LMNB1: variants seen among roughly 807,000 people sequenced by gnomAD.
LMNB1 encodes lamin-B1.
LMNB1 carries 23 observed loss-of-function variants against 67.1 expected under a neutral mutation model. That is an observed-to-expected ratio of 0.34 (90% CI 0.25 to 0.49). LMNB1 has a LOEUF of 0.49. Ranked by LOEUF, LMNB1 falls within the 20% of genes least tolerant of loss-of-function variation. The pLI, the probability that LMNB1 is intolerant of heterozygous loss-of-function variation, is 0.99. For synonymous variants in LMNB1, 281 were observed against 282.9 expected (o/e 0.99, Z 0.07); for missense variants, 634 against 746.5 (o/e 0.85, Z 1.76).
At chr5:126,783,601 A>G (rs1750686985) in intron 1 of LMNB1, among the ~76,000 whole-genome samples, 2 of 152,210 alleles carry the variant, frequency 1.3e-5, no homozygotes, top group South Asian at 4.1e-4. Flanking sequence ...TGATAAAGCA[A>G]GATCTTTTGG....
At chr5:126,790,073 A>G (rs1484690667) in intron 1 of LMNB1, among the ~76,000 whole-genome samples, 1 of 151,270 alleles carries the variant, frequency 6.6e-6, no homozygotes, top group African/African-American at 2.4e-5. Context: ...CAAAGTGCTG[A>G]GATTACAGAC....
chr5:126,808,591 A>G (rs193172633), intron 3 of LMNB1, among the ~76,000 whole-genome samples: 2 of 152,186 alleles, frequency 1.3e-5, no homozygotes, highest in Admixed American at 6.6e-5. Context: ...ACGAAAGAGG[A>G]AGGAGGAGGT....
intron 6 of LMNB1, 71 bp from the exon 7 acceptor site, chr5:126,820,839 G>C: frequency 9.5e-7 from 1 of 1,050,132 alleles, no homozygotes; most frequent in Non-Finnish European, 1.4e-6. Flanking sequence ...TTGTTTTTTT[G>C]TTTTTTTTTT....
intron 5 of LMNB1, among the ~76,000 whole-genome samples, chr5:126,818,231 GT>G (rs1751760924): frequency 7.0e-6 from 1 of 142,244 alleles, no homozygotes; most frequent in East Asian, 2.0e-4. Context: ...GTCAGTCAGT[GT>G]TTATATCTTT....
intron 8 of LMNB1, among the ~76,000 whole-genome samples, chr5:126,824,726 T>C (rs1326929462): frequency 6.6e-6 from 1 of 152,220 alleles, no homozygotes; most frequent in Admixed American, 6.5e-5. Flanking sequence ...TAATATCTTG[T>C]GCCCTTTTCC....
intron 1 of LMNB1, among the ~76,000 whole-genome samples, chr5:126,793,455 T>C (rs1178224340): frequency 6.6e-6 from 1 of 152,220 alleles, no homozygotes; most frequent in Non-Finnish European, 1.5e-5. Context: ...CTTTGACAGA[T>C]TAGTTTATTC....
intron 9 of LMNB1, among the ~76,000 whole-genome samples, chr5:126,827,658 T>G (rs1472611049): frequency 6.6e-6 from 1 of 152,002 alleles, no homozygotes; most frequent in Non-Finnish European, 1.5e-5. Flanking sequence ...AATAAATAAA[T>G]AAAGTTACAG....
chr5:126,780,545 G>C (rs1561731953), intron 1 of LMNB1, among the ~76,000 whole-genome samples: 1 of 152,226 alleles, frequency 6.6e-6, no homozygotes, highest in Non-Finnish European at 1.5e-5. Context: ...AATAATGCAT[G>C]TGATACAATT....
At chr5:126,800,951 C>CTGTATATA (rs879341419) in intron 1 of LMNB1, among the ~76,000 whole-genome samples, 1 of 47,322 alleles carries the variant, frequency 2.1e-5, no homozygotes, top group Non-Finnish European at 4.1e-5. Flanking sequence ...TGCAGCCAGA[C>CTGTATATA]TATATATATA....
intron 7 of LMNB1, among the ~76,000 whole-genome samples, chr5:126,821,817 G>A (rs1311738192): frequency 6.6e-6 from 1 of 151,830 alleles, no homozygotes; most frequent in Non-Finnish European, 1.5e-5. Context: ...GCAGGCGGCA[G>A]TGGGATGGAT....
rs184778223 is a variant in LMNB1 at position 126,785,963 on chromosome 5, G to A, written c.359+8096G>A. Among the ~76,000 whole-genome samples the A allele has an allele frequency of 2.2e-3, 333 of 151,710 alleles. 3 individuals are homozygous for A. Among genetic ancestry groups the A allele is most frequent in the African/African-American group, 7.6e-3 (315 of 41,454 alleles). On this transcript the variant is annotated intron_variant, in intron 1 of 10. Coordinates refer to ENST00000261366, the MANE Select transcript of LMNB1 (RefSeq NM_005573.4). ...TGGGAGGCAGAGGTTGCAGTGAGCC[G>A]AGATCGTGCCACTGCACTCCAGCCT...
At chr5:126,829,159 G>A (rs1395274937) in intron 9 of LMNB1, among the ~76,000 whole-genome samples, 1 of 151,512 alleles carries the variant, frequency 6.6e-6, no homozygotes, top group African/African-American at 2.4e-5. Context: ...TTCTTGCTGG[G>A]GCATTGGAAA....
chr5:126,782,683 G>C (rs1345588762), intron 1 of LMNB1, among the ~76,000 whole-genome samples: 4 of 151,882 alleles, frequency 2.6e-5, no homozygotes, highest in African/African-American at 9.7e-5. Flanking sequence ...CCAAGTAGCT[G>C]GGATTACAGG....
At position 126,796,262 on chromosome 5, in the gene LMNB1, T is replaced by C. The variant is rs1489685510; in HGVS notation, c.360-8514T>C. On this transcript the variant is annotated intron_variant, in intron 1 of 10. Transcript: ENST00000261366. The stretch of plus-strand genomic sequence containing the variant: ...ATTTTTTAATCTCCTTTTTTTGCCT[T>C]GCCCTGTCTTCTTATGGTGCTGACT... 2.6e-5 allele frequency among the ~76,000 whole-genome samples: 4 copies of C among 152,090 alleles called. No homozygotes were observed. In the East Asian group the frequency reaches 5.8e-4, roughly 22 times the overall value.
At chr5:126,798,330 G>C (rs1012085039) in intron 1 of LMNB1, among the ~76,000 whole-genome samples, 2 of 151,772 alleles carry the variant, frequency 1.3e-5, no homozygotes, top group African/African-American at 4.8e-5. Flanking sequence ...GGTGCCTGTA[G>C]TCCCAGTTAC....
At chr5:126,821,228 C>T in intron 7 of LMNB1, 93 bp downstream of exon 7, 1 of 768,998 alleles carries the variant, frequency 1.3e-6, no homozygotes, top group Non-Finnish European at 2.3e-6. Context: ...TGTTTGGATT[C>T]ATTACGTCTT....
rs1194590360 is a variant in LMNB1 at position 126,777,887 on chromosome 5, C to G, written c.359+20C>G. 5 of 1,378,198 alleles carry G rather than the reference C, an allele frequency of 3.6e-6. No homozygotes were observed. Among genetic ancestry groups the G allele is most frequent in the Non-Finnish European group, 4.7e-6 (5 of 1,067,024 alleles). The allele number at this position is 1,378,198 out of a possible 1,614,324, so 85.4% of individuals were successfully genotyped here. ...CCTCAAGTGAGTGCTAGCTGGCGGC[C>G]GCGTTAGCGCCAAGGAGGGGCGGGG... On this transcript the variant is annotated intron_variant, in intron 1 of 10. Transcript: ENST00000261366.
At chr5:126,810,868 C>T (rs915148732) in intron 4 of LMNB1, among the ~76,000 whole-genome samples, 1 of 152,220 alleles carries the variant, frequency 6.6e-6, no homozygotes. Flanking sequence ...ATTGTAGAAA[C>T]TTCCCACTTA....
At chr5:126,819,459 A>ATTATTCAT (rs888496547) in intron 6 of LMNB1, among the ~76,000 whole-genome samples, 1 of 142,806 alleles carries the variant, frequency 7.0e-6, no homozygotes, top group Non-Finnish European at 1.5e-5. Flanking sequence ...GACTTTACAT[A>ATTATTCAT]TTATTTATTT....
Sources: allele counts gnomAD v4.1 joint callset (sites outside exome capture counted in the v4.1 genomes callset), GRCh38; gene constraint gnomAD v4.1.1; transcripts MANE v1.5; gene names NCBI Gene and HGNC (gene_info 2026-07-23, HGNC 2026-07-21).